The following GTF2B variants were observed in gnomAD, a reference collection of about 807,000 sequenced individuals.
GTF2B encodes transcription initiation factor IIB.
Under a neutral mutation model 34.6 loss-of-function variants are expected in GTF2B, and 20 were observed. The observed-to-expected ratio is 0.58, with a 90% CI of 0.41 to 0.84. The LOEUF is 0.84. Ranked by LOEUF, GTF2B falls within the 40% of genes least tolerant of loss-of-function variation. GTF2B has a pLI of 0.00. For missense variants in GTF2B, 237 were observed against 393.3 expected (o/e 0.60, Z 3.36); for synonymous variants, 142 against 132.4 (o/e 1.07, Z -0.50).
chr1:88,860,729 C>T (rs1189139610), intron 3 of GTF2B, among the ~76,000 whole-genome samples: 3 of 152,010 alleles, frequency 2.0e-5, no homozygotes, highest in Non-Finnish European at 4.4e-5. Context: ...GCTAAAAAGG[C>T]AAATGAACAA....
At chr1:88,874,376 C>T (rs1296570256) in intron 2 of GTF2B, among the ~76,000 whole-genome samples, 1 of 151,714 alleles carries the variant, frequency 6.6e-6, no homozygotes, top group African/African-American at 2.4e-5. Flanking sequence ...TGCAGTGACA[C>T]AATCATATCA....
At chr1:88,871,793 G>T (rs1364213966) in intron 2 of GTF2B, among the ~76,000 whole-genome samples, 2 of 152,048 alleles carry the variant, frequency 1.3e-5, no homozygotes, top group Non-Finnish European at 2.9e-5. Context: ...ATGCAATGGG[G>T]TAATCTCAGC....
chr1:88,853,077 A>G lies in GTF2B; in HGVS notation c.*136T>C, dbSNP rs900394168. 2.6e-6 allele frequency: 2 copies of G among 762,970 alleles called. No homozygotes were observed. The highest frequency in any genetic ancestry group is 4.7e-6 in the Non-Finnish European group (2 of 429,212). 47.3% of individuals were successfully genotyped at this position (762,970 alleles called of 1,614,324 possible). On this transcript the variant is annotated 3_prime_UTR_variant, in exon 7 of 7. Coordinates refer to ENST00000370500, the MANE Select transcript of GTF2B (RefSeq NM_001514.6). ...ACTAGTATATACATACAGAATGCCA[A>G]GCAATAGTATTCAGCCCTGGAATGC...
intron 2 of GTF2B, 138 bp downstream of exon 2, chr1:88,887,123 T>C (rs988181920): frequency 9.2e-6 from 5 of 542,586 alleles, no homozygotes; most frequent in Non-Finnish European, 1.7e-5. Flanking sequence ...TTCTTCATGT[T>C]GGTCAGGCTG....
At chr1:88,889,745 G>A (rs1674156757) in intron 1 of GTF2B, among the ~76,000 whole-genome samples, 3 of 152,180 alleles carry the variant, frequency 2.0e-5, no homozygotes, top group African/African-American at 7.2e-5. Context: ...TAGGCTGGGC[G>A]CAGTGGCTCA....
chr1:88,860,069 A>G, intron 4 of GTF2B, 58 bp from the exon 5 acceptor site: 1 of 1,610,680 alleles, frequency 6.2e-7, no homozygotes, highest in Non-Finnish European at 8.5e-7. Context: ...GCAATATCAA[A>G]ATTTCATGTG....
chr1:88,856,597 G>C (rs918858998), intron 6 of GTF2B, among the ~76,000 whole-genome samples: 1 of 151,990 alleles, frequency 6.6e-6, no homozygotes, highest in African/African-American at 2.4e-5. Flanking sequence ...AAGGAAAAGA[G>C]TATTCAAAAT....
At chr1:88,891,400 A>G (rs920364025) in intron 1 of GTF2B, 83 bp downstream of exon 1, 1 of 1,076,582 alleles carries the variant, frequency 9.3e-7, no homozygotes, top group Non-Finnish European at 1.4e-6. Context: ...GCTCAGCCCT[A>G]CGAGGCTGCC....
rs537296576 is a variant in GTF2B, at chr1:88,884,961, T to G, written c.124+2300A>C. Among the ~76,000 whole-genome samples the G allele has an allele frequency of 2.6e-5, 4 of 152,376 alleles. No individual in the cohort carries two copies. In the South Asian group the frequency reaches 8.3e-4, roughly 32 times the overall value. ...TAAAATAGTGCAGTATGGCAACATA[T>G]GTGGCGATCAACATGTTGCTGTTAT... On this transcript the variant is annotated intron_variant, in intron 2 of 6. Transcript: ENST00000370500.
At chr1:88,884,509 T>A (rs1283242817) in intron 2 of GTF2B, among the ~76,000 whole-genome samples, 1 of 152,240 alleles carries the variant, frequency 6.6e-6, no homozygotes, top group African/African-American at 2.4e-5. Context: ...CTTAAATAAA[T>A]TTATTTTCTC....
chr1:88,865,891 G>A lies in GTF2B; in HGVS notation c.125-1777C>T, dbSNP rs147759959. The stretch of plus-strand genomic sequence containing the variant: ...AAACAAACAAAAATTAATCTCCATA[G>A]AAGACTTTAAAAGCTTCCAAGTGCT... On this transcript the variant is annotated intron_variant, in intron 2 of 6. Transcript: ENST00000370500. 3.1e-3 allele frequency among the ~76,000 whole-genome samples: 467 copies of A among 151,666 alleles called. 3 individuals are homozygous for A. The highest frequency in any genetic ancestry group is 0.011 in the African/African-American group (439 of 41,308).
In GTF2B at chr1:88,856,272, CAAAAAAAAAAAAAAAAAACA is replaced by C. The variant is rs1277138540; in HGVS notation, c.817+914_817+933del. On this transcript the variant is annotated intron_variant, in intron 6 of 6. Coordinates refer to ENST00000370500, the MANE Select transcript of GTF2B (RefSeq NM_001514.6). The stretch of plus-strand genomic sequence containing the variant: ...CAACAGAGGGAGACTGTTTCAAAAA[CAAAAAAAAAAAAAAAAAACA>C]AAAAAAAAAAAGGAAAAGAAATTCA... Among the ~76,000 whole-genome samples the C allele has an allele frequency of 6.0e-5, 3 of 50,042 alleles. No individual in the cohort carries two copies. In the Admixed American group the frequency reaches 1.0e-3, roughly 17 times the overall value. The allele number at this position is 50,042 out of a possible 152,430, so 32.8% of individuals were successfully genotyped here. A position where few individuals can be genotyped will look rare whatever the true frequency, so the allele number is the denominator to read the frequency against.
chr1:88,879,514 G>A (rs1673886421), intron 2 of GTF2B, among the ~76,000 whole-genome samples: 1 of 151,692 alleles, frequency 6.6e-6, no homozygotes. Context: ...TACCTGGGAG[G>A]TGGAGGTTGC....
intron 2 of GTF2B, among the ~76,000 whole-genome samples, chr1:88,874,048 C>A (rs1423141332): frequency 2.0e-5 from 3 of 152,120 alleles, no homozygotes; most frequent in African/African-American, 7.2e-5. Flanking sequence ...GGGTACTCTG[C>A]CTCATATTCT....
At chr1:88,855,006 G>C (rs980705316) in intron 6 of GTF2B, among the ~76,000 whole-genome samples, 2 of 152,180 alleles carry the variant, frequency 1.3e-5, no homozygotes, top group Non-Finnish European at 2.9e-5. Flanking sequence ...GCAGGGAAGA[G>C]AAAGACCTTA....
chr1:88,853,853 T>C (rs1362620820), intron 6 of GTF2B, among the ~76,000 whole-genome samples: 8 of 152,250 alleles, frequency 5.3e-5, no homozygotes, highest in Admixed American at 4.6e-4. Context: ...AAAGCATTCA[T>C]AATACTTAAC....
At chr1:88,870,924 T>A (rs970711266) in intron 2 of GTF2B, among the ~76,000 whole-genome samples, 1 of 140,860 alleles carries the variant, frequency 7.1e-6, no homozygotes, top group African/African-American at 2.8e-5. Context: ...TTTTTTGAGA[T>A]GGAGTCTCGC....
rs1460038497 is a variant in GTF2B at position 88,858,282 on chromosome 1, A to G, written c.536-795T>C. 2.0e-5 allele frequency among the ~76,000 whole-genome samples: 3 copies of G among 152,308 alleles called. No individual in the cohort carries two copies. In the East Asian group the frequency reaches 5.8e-4, roughly 29 times the overall value. On this transcript the variant is annotated intron_variant, in intron 5 of 6. Transcript: ENST00000370500. ...ACAAAGTGCTGAGATTACCGGTGTG[A>G]GCCATCGTGCCTGGCTAAATTTAGG...
chr1:88,858,524 A>C (rs1301826915), intron 5 of GTF2B, among the ~76,000 whole-genome samples: 2 of 152,202 alleles, frequency 1.3e-5, no homozygotes, highest in South Asian at 4.1e-4. Context: ...CAATGAGATA[A>C]AATATCTGAC....
Sources: allele counts gnomAD v4.1 joint callset (sites outside exome capture counted in the v4.1 genomes callset), GRCh38; gene constraint gnomAD v4.1.1; transcripts MANE v1.5; gene names NCBI Gene and HGNC (gene_info 2026-07-23, HGNC 2026-07-21).